Variants in PRDM16 observed in about 807,000 individuals in gnomAD.
PRDM16 encodes PR/SET domain 16, also known as histone-lysine N-methyltransferase PRDM16.
PRDM16 carries 23 observed loss-of-function variants against 110.6 expected under a neutral mutation model. The ratio of observed to expected loss-of-function variants is 0.21; its 90% CI spans 0.15 to 0.29. The LOEUF (loss-of-function observed/expected upper bound fraction) is 0.29. Among genes scored for constraint, PRDM16 ranks in the 10% least tolerant of loss-of-function variants. The pLI is 1.00. For missense variants in PRDM16, 1,615 were observed against 1,794.3 expected (o/e 0.90, Z 1.81); for synonymous variants, 799 against 781.8 (o/e 1.02, Z -0.37).
At chr1:3,331,031 C>T (rs900995924) in intron 3 of PRDM16, among the ~76,000 whole-genome samples, 10 of 152,214 alleles carry the variant, frequency 6.6e-5, no homozygotes, top group East Asian at 1.9e-4. Context: ...GATAAGGCCC[C>T]GCTAAACCCC....
intron 4 of PRDM16, among the ~76,000 whole-genome samples, chr1:3,385,764 G>A (rs563800126): frequency 6.6e-6 from 1 of 152,240 alleles, no homozygotes; most frequent in African/African-American, 2.4e-5. Flanking sequence ...AGCCTCCGGG[G>A]CCTCTGACCA....
chr1:3,149,530 A>G (rs2100720470), intron 1 of PRDM16, among the ~76,000 whole-genome samples: 1 of 152,294 alleles, frequency 6.6e-6, no homozygotes, highest in South Asian at 2.1e-4. Context: ...CTGTGTATCC[A>G]GACTCCGCCT....
rs1314630185 is a variant in PRDM16 at position 3,336,573 on chromosome 1, TGA to T, written c.439-48577_439-48576del. On this transcript the variant is annotated intron_variant, in intron 3 of 16. Coordinates refer to ENST00000270722, the MANE Select transcript of PRDM16 (RefSeq NM_022114.4). Reference sequence around the variant, plus strand: ...GCATGCATGCACATGTGTGTTGGTGTGAGTCTGAGTGCATGCATGCACATCTG... The same window carrying T: ...GCATGCATGCACATGTGTGTTGGTGTGTCTGAGTGCATGCATGCACATCTG... Among the ~76,000 whole-genome samples, 6 of 151,928 alleles carry T rather than the reference TGA, an allele frequency of 3.9e-5. No homozygotes were observed. The East Asian group carries it at 7.7e-4, about 20-fold the overall frequency.
At chr1:3,099,557 G>A (rs1386519853) in intron 1 of PRDM16, among the ~76,000 whole-genome samples, 2 of 152,228 alleles carry the variant, frequency 1.3e-5, no homozygotes, top group East Asian at 3.9e-4. Flanking sequence ...GTGCTGGGCT[G>A]TGAATGTTTT....
At chr1:3,141,946 C>T (rs1339927094) in intron 1 of PRDM16, among the ~76,000 whole-genome samples, 1 of 152,266 alleles carries the variant, frequency 6.6e-6, no homozygotes, top group Non-Finnish European at 1.5e-5. Context: ...GGCCCTCAGG[C>T]CTGCCTGGAA....
chr1:3,136,365 G>A (rs72846819), intron 1 of PRDM16, among the ~76,000 whole-genome samples: 12,551 of 152,266 alleles, frequency 0.082, 1,254 homozygotes, highest in African/African-American at 0.23. Flanking sequence ...TTTTACAGAC[G>A]AGGCAGTGGA....
chr1:3,169,805 G>A (rs1196448132), intron 1 of PRDM16, among the ~76,000 whole-genome samples: 1 of 152,152 alleles, frequency 6.6e-6, no homozygotes, highest in African/African-American at 2.4e-5. Flanking sequence ...CCCGAGCCTC[G>A]GGCCCTCTCC....
chr1:3,327,243 G>A (rs892004262), intron 3 of PRDM16, among the ~76,000 whole-genome samples: 1 of 152,220 alleles, frequency 6.6e-6, no homozygotes, highest in African/African-American at 2.4e-5. Flanking sequence ...CCAAATCCAG[G>A]TGTGGCCGCC....
intron 3 of PRDM16, among the ~76,000 whole-genome samples, chr1:3,321,420 TTG>T (rs921789342): frequency 1.3e-5 from 2 of 150,854 alleles, no homozygotes; most frequent in Non-Finnish European, 3.0e-5. Flanking sequence ...GTGTATGCAT[TTG>T]TGTGTGGGTG....
chr1:3,207,209 G>C (rs1219719386), intron 2 of PRDM16: 5 of 152,198 alleles, frequency 3.3e-5, no homozygotes, highest in Non-Finnish European at 7.3e-5. Context: ...CCCTTTTTAT[G>C]ACTTGGAAAT....
intron 4 of PRDM16, among the ~76,000 whole-genome samples, chr1:3,389,482 G>A (rs1406878441): frequency 6.6e-6 from 1 of 152,214 alleles, no homozygotes; most frequent in Non-Finnish European, 1.5e-5. Flanking sequence ...CTGGCAATGA[G>A]ATTCCCCCTC....
chr1:3,136,461 C>T (rs139331508), intron 1 of PRDM16, among the ~76,000 whole-genome samples: 132 of 152,302 alleles, frequency 8.7e-4, no homozygotes, highest in African/African-American at 3.1e-3. Context: ...TAGGGCTTCC[C>T]GTGTCACAGT....
chr1:3,113,600 T>C (rs1168479530), intron 1 of PRDM16, among the ~76,000 whole-genome samples: 1 of 152,136 alleles, frequency 6.6e-6, no homozygotes, highest in Non-Finnish European at 1.5e-5. Context: ...GACACTTTGC[T>C]CCGAATAATC....
intron 1 of PRDM16, among the ~76,000 whole-genome samples, chr1:3,075,178 T>C (rs537543172): frequency 1.3e-5 from 2 of 152,360 alleles, no homozygotes; most frequent in African/African-American, 4.8e-5. Context: ...CGCTCCAAGA[T>C]CATATTTGTT....
intron 12 of PRDM16, among the ~76,000 whole-genome samples, chr1:3,421,694 T>G (rs1249847712): frequency 1.3e-5 from 2 of 152,226 alleles, no homozygotes; most frequent in Non-Finnish European, 2.9e-5. Context: ...AGGGACTTGC[T>G]CTCCAGTTTT....
intron 1 of PRDM16, among the ~76,000 whole-genome samples, chr1:3,161,709 C>A (rs1047772250): frequency 6.6e-6 from 1 of 152,182 alleles, no homozygotes; most frequent in Non-Finnish European, 1.5e-5. Flanking sequence ...GCGGGAGCCT[C>A]GAGATTCTTT....
At chr1:3,417,655 A>C (rs952741464) in intron 10 of PRDM16, among the ~76,000 whole-genome samples, 173 bp from the exon 11 acceptor site, 1 of 152,210 alleles carries the variant, frequency 6.6e-6, no homozygotes, top group Non-Finnish European at 1.5e-5. Context: ...GGCTGACTAC[A>C]GAAAGGTGAA....
intron 2 of PRDM16, among the ~76,000 whole-genome samples, chr1:3,187,726 A>T (rs1053796333): frequency 1.3e-5 from 2 of 152,094 alleles, no homozygotes. Context: ...CAGCAGGCAG[A>T]TGTGGTCCTT....
intron 1 of PRDM16, among the ~76,000 whole-genome samples, chr1:3,075,875 C>T (rs1018669350): frequency 1.3e-5 from 2 of 152,216 alleles, no homozygotes; most frequent in Admixed American, 6.5e-5. Flanking sequence ...CTGCGATCCA[C>T]CTCGGGCCAG....
Sources: gnomAD v4.1 joint callset for allele counts (sites outside exome capture counted in the v4.1 genomes callset) on GRCh38, gnomAD v4.1.1 for gene constraint, MANE v1.5 for transcripts, NCBI Gene and HGNC (gene_info 2026-07-23, HGNC 2026-07-21) for gene names.